Variants in TMEM178B observed in about 807,000 individuals in gnomAD.
The protein encoded by TMEM178B is transmembrane protein 178B.
TMEM178B carries 5 observed loss-of-function variants against 31.0 expected under a neutral mutation model. The observed-to-expected ratio is 0.16, with a 90% CI of 0.08 to 0.34. TMEM178B has a LOEUF of 0.34. TMEM178B is among the 10% of genes least tolerant of loss of function. The pLI is 1.00. For missense variants in TMEM178B, 275 were observed against 400.3 expected (o/e 0.69, Z 2.67); for synonymous variants, 164 against 164.0 (o/e 1.00, Z 0.00).
At chr7:141,274,886 A>G (rs1401174583) in intron 2 of TMEM178B, among the ~76,000 whole-genome samples, 3 of 152,160 alleles carry the variant, frequency 2.0e-5, no homozygotes, top group African/African-American at 7.2e-5. Context: ...GCTGCCTGGG[A>G]TGAAACCCAG....
chr7:141,373,620 G>T (rs563247634), intron 2 of TMEM178B, among the ~76,000 whole-genome samples: 1 of 152,154 alleles, frequency 6.6e-6, no homozygotes, highest in Non-Finnish European at 1.5e-5. Context: ...GTTGAGACAA[G>T]GGGATCAGGC....
intron 2 of TMEM178B, among the ~76,000 whole-genome samples, chr7:141,394,462 A>T (rs1476183748): frequency 6.6e-6 from 1 of 152,254 alleles, no homozygotes; most frequent in Non-Finnish European, 1.5e-5. Flanking sequence ...GCCTTGGATC[A>T]GTTATCTACA....
intron 1 of TMEM178B, among the ~76,000 whole-genome samples, chr7:141,114,981 A>G (rs1219896281): frequency 3.3e-5 from 5 of 152,128 alleles, no homozygotes; most frequent in African/African-American, 1.2e-4. Flanking sequence ...GGCAGTGTAC[A>G]TGGAGCTTGT....
intron 2 of TMEM178B, among the ~76,000 whole-genome samples, chr7:141,280,452 T>G (rs1390640335): frequency 6.6e-6 from 1 of 152,160 alleles, no homozygotes; most frequent in African/African-American, 2.4e-5. Context: ...TGAGATTTGA[T>G]CATTCTATAA....
At chr7:141,097,365 C>CAA (rs10718738) in intron 1 of TMEM178B, among the ~76,000 whole-genome samples, 374 of 85,082 alleles carry the variant, frequency 4.4e-3, no homozygotes, top group Non-Finnish European at 6.2e-3. Flanking sequence ...GACTCCGTCT[C>CAA]AAAAAAAAAA....
chr7:141,376,970 G>T lies in TMEM178B; in HGVS notation c.497-60638G>T, dbSNP rs572730004. 2.1e-3 allele frequency among the ~76,000 whole-genome samples: 325 copies of T among 152,198 alleles called. 1 individual carries two copies. The highest frequency in any genetic ancestry group is 7.7e-3 in the African/African-American group (318 of 41,534). On this transcript the variant is annotated intron_variant, in intron 2 of 3. Transcript: ENST00000565468. Reference sequence around the variant, plus strand: ...CTGGAAAAAATTGCTGTAGGATAGTGTGCAACCTAAGGTCTCATATTGACA... The same window carrying T: ...CTGGAAAAAATTGCTGTAGGATAGTTTGCAACCTAAGGTCTCATATTGACA...
chr7:141,237,598 T>C (rs1563127409), intron 2 of TMEM178B, among the ~76,000 whole-genome samples: 2 of 152,242 alleles, frequency 1.3e-5, no homozygotes, highest in Non-Finnish European at 1.5e-5. Flanking sequence ...ACAGTGATTA[T>C]CTCTGGGTGG....
At chr7:141,142,384 C>G (rs1322631690) in intron 1 of TMEM178B, among the ~76,000 whole-genome samples, 1 of 147,604 alleles carries the variant, frequency 6.8e-6, no homozygotes, top group African/African-American at 2.7e-5. Flanking sequence ...TTTGGTAGAA[C>G]AATTTATTTT....
chr7:141,388,265 C>T (rs1004695996), intron 2 of TMEM178B, among the ~76,000 whole-genome samples: 13 of 152,130 alleles, frequency 8.5e-5, no homozygotes, highest in African/African-American at 3.1e-4. Context: ...AAGAACTCGC[C>T]CTGGACCACC....
At chr7:141,244,554 A>AGGC (rs1313667004) in intron 2 of TMEM178B, among the ~76,000 whole-genome samples, 1 of 152,240 alleles carries the variant, frequency 6.6e-6, no homozygotes, top group East Asian at 1.9e-4. Context: ...TTTTAAGCCT[A>AGGC]GGCGGCAGAA....
chr7:141,432,144 A>ATTTTTTTTTTTTT (rs1801442390), intron 2 of TMEM178B, among the ~76,000 whole-genome samples: 4 of 86,366 alleles, frequency 4.6e-5, no homozygotes, highest in African/African-American at 1.7e-4. Context: ...CCTTCACTGC[A>ATTTTTTTTTTTTT]TCTTTTTTTT....
chr7:141,507,902 G>A, the TMEM178B span, among the ~76,000 whole-genome samples: 2 of 152,356 alleles, frequency 1.3e-5, no homozygotes, highest in Admixed American at 6.5e-5. Flanking sequence ...CTGGGCCTAT[G>A]ATGGGAAGGG....
intron 3 of TMEM178B, among the ~76,000 whole-genome samples, chr7:141,450,332 C>G (rs1801841041): frequency 6.6e-6 from 1 of 152,226 alleles, no homozygotes; most frequent in South Asian, 2.1e-4. Context: ...TGTTAAGTAC[C>G]TACTACGTCC....
intron 2 of TMEM178B, among the ~76,000 whole-genome samples, chr7:141,338,263 G>T (rs1799459508): frequency 6.6e-6 from 1 of 152,204 alleles, no homozygotes; most frequent in South Asian, 2.1e-4. Context: ...TTATTAATAA[G>T]TCTATTTTGT....
chr7:141,338,287 A>T (rs1056617356), intron 2 of TMEM178B, among the ~76,000 whole-genome samples: 7 of 152,244 alleles, frequency 4.6e-5, no homozygotes, highest in Admixed American at 6.5e-5. Flanking sequence ...AAAGTTTATT[A>T]TAATCAGCGG....
At chr7:141,172,268 G>T (rs1374177388) in intron 1 of TMEM178B, among the ~76,000 whole-genome samples, 1 of 152,186 alleles carries the variant, frequency 6.6e-6, no homozygotes, top group Non-Finnish European at 1.5e-5. Flanking sequence ...ATGGTGTTAG[G>T]CACTGGGTTC....
chr7:141,444,990 C>G (rs527832014), intron 3 of TMEM178B, among the ~76,000 whole-genome samples: 1 of 152,122 alleles, frequency 6.6e-6, no homozygotes, highest in South Asian at 2.1e-4. Flanking sequence ...TGGAGGAGAC[C>G]GCGGCCAGAA....
chr7:141,143,028 G>A (rs1043982775), intron 1 of TMEM178B, among the ~76,000 whole-genome samples: 1 of 152,156 alleles, frequency 6.6e-6, no homozygotes, highest in Non-Finnish European at 1.5e-5. Context: ...GTCTCTTTTT[G>A]AGAAGTGTCT....
chr7:141,084,071 C>G (rs772449174), intron 1 of TMEM178B, among the ~76,000 whole-genome samples: 1 of 152,196 alleles, frequency 6.6e-6, no homozygotes, highest in African/African-American at 2.4e-5. Context: ...TCCAAAAGTG[C>G]TGGGATTACA....
Sources: gnomAD v4.1 joint callset for allele counts (sites outside exome capture counted in the v4.1 genomes callset) on GRCh38, gnomAD v4.1.1 for gene constraint, MANE v1.5 for transcripts, NCBI Gene and HGNC (gene_info 2026-07-23, HGNC 2026-07-21) for gene names.